SLC25A21: variants seen among roughly 807,000 people sequenced by gnomAD.
The protein encoded by SLC25A21 is solute carrier family 25 member 21.
In SLC25A21, 47 loss-of-function variants were observed where a neutral mutation model predicts 43.8. That is an observed-to-expected ratio of 1.07 (90% CI 0.85 to 1.37). SLC25A21 has a LOEUF of 1.37. Ranked by LOEUF, SLC25A21 falls within the 40% of genes most tolerant of loss-of-function variation. SLC25A21 has a pLI of 0.00. For synonymous variants in SLC25A21, 131 were observed against 121.3 expected, an observed-to-expected ratio of 1.08 and a Z score of -0.52; for missense variants, 352 against 350.2, an observed-to-expected ratio of 1.00 and a Z score of -0.04.
At chr14:37,004,502 T>C (rs185745205) in intron 1 of SLC25A21, among the ~76,000 whole-genome samples, 1 of 152,348 alleles carries the variant, frequency 6.6e-6, no homozygotes, top group East Asian at 1.9e-4. Flanking sequence ...ATGTAATTCA[T>C]GGAGTAACTG....
At chr14:36,885,348 C>T (rs1890884028) in intron 1 of SLC25A21, among the ~76,000 whole-genome samples, 2 of 152,274 alleles carry the variant, frequency 1.3e-5, no homozygotes, top group East Asian at 1.9e-4. Context: ...CAGTACCATG[C>T]TGTTTTGATT....
At chr14:36,702,844 G>C (rs1051715567) in intron 7 of SLC25A21, among the ~76,000 whole-genome samples, 3 of 152,054 alleles carry the variant, frequency 2.0e-5, no homozygotes, top group Non-Finnish European at 2.9e-5. Context: ...CACTTGGGGA[G>C]TGTCTGACTG....
intron 1 of SLC25A21, among the ~76,000 whole-genome samples, chr14:36,906,577 C>T (rs1347820634): frequency 6.6e-6 from 1 of 151,640 alleles, no homozygotes; most frequent in East Asian, 1.9e-4. Flanking sequence ...ATGATCTCGG[C>T]TCACTACAAC....
At chr14:36,894,114 T>C (rs987672539) in intron 1 of SLC25A21, among the ~76,000 whole-genome samples, 1 of 152,220 alleles carries the variant, frequency 6.6e-6, no homozygotes, top group African/African-American at 2.4e-5. Flanking sequence ...GCATTGAATC[T>C]ATAAATTACC....
chr14:36,883,928 T>C (rs962540432), intron 1 of SLC25A21, among the ~76,000 whole-genome samples: 2 of 152,188 alleles, frequency 1.3e-5, no homozygotes, highest in Admixed American at 6.5e-5. Context: ...TGTGGAATGA[T>C]TGAGTCAAGC....
At chr14:37,104,009 C>T (rs1309831627) in intron 1 of SLC25A21, among the ~76,000 whole-genome samples, 2 of 152,162 alleles carry the variant, frequency 1.3e-5, no homozygotes, top group African/African-American at 4.8e-5. Context: ...TCCCACGGCT[C>T]GTGGACCACT....
At chr14:37,053,228 G>A (rs572474992) in intron 1 of SLC25A21, among the ~76,000 whole-genome samples, 2 of 152,238 alleles carry the variant, frequency 1.3e-5, no homozygotes, top group South Asian at 4.1e-4. Context: ...TGAGAACCAA[G>A]GATTTTGTAT....
At chr14:36,821,770 T>A (rs190885563) in intron 2 of SLC25A21, among the ~76,000 whole-genome samples, 146 of 152,230 alleles carry the variant, frequency 9.6e-4, no homozygotes, top group African/African-American at 3.3e-3. Context: ...CGAGCAGAGA[T>A]CGTGCCACTG....
chr14:36,687,492 C>T (rs1425141181), intron 7 of SLC25A21, among the ~76,000 whole-genome samples: 2 of 152,314 alleles, frequency 1.3e-5, no homozygotes, highest in Non-Finnish European at 2.9e-5. Flanking sequence ...ATGTTCCACA[C>T]TGGCAAAGCA....
chr14:37,133,987 C>A (rs1244770284), intron 1 of SLC25A21, among the ~76,000 whole-genome samples: 1 of 152,088 alleles, frequency 6.6e-6, no homozygotes, highest in Non-Finnish European at 1.5e-5. Context: ...CAGTAACTGG[C>A]AACTGGAAAA....
chr14:36,921,072 T>C lies in SLC25A21; in HGVS notation c.71-46068A>G, dbSNP rs138438156. ...GATCTCTTTGCTTTTAACCATCCCA[T>C]AAAACAACTTATGGATTTTTAGGCC... On this transcript the variant is annotated intron_variant, in intron 1 of 9. Transcript: ENST00000331299. 1.2e-3 allele frequency among the ~76,000 whole-genome samples: 180 copies of C among 152,180 alleles called. 2 individuals are homozygous for C. In the East Asian group the frequency reaches 0.034, roughly 29 times the overall value.
chr14:36,946,787 C>T (rs1247592056), intron 1 of SLC25A21, among the ~76,000 whole-genome samples: 1 of 152,128 alleles, frequency 6.6e-6, no homozygotes, highest in Non-Finnish European at 1.5e-5. Flanking sequence ...AGGATGTCAG[C>T]TTGTCATGGC....
rs1594360065 is a variant in SLC25A21, at chr14:37,172,388, G to A, written c.-38C>T. The A allele has an allele frequency of 3.2e-6, 5 of 1,561,162 alleles. No individual in the cohort carries two copies. The highest frequency in any genetic ancestry group is 1.2e-5 in the South Asian group (1 of 85,338). On this transcript the variant is annotated 5_prime_UTR_variant, in exon 1 of 10. Coordinates refer to ENST00000331299, the MANE Select transcript of SLC25A21 (RefSeq NM_030631.4). The stretch of plus-strand genomic sequence containing the variant: ...GGAGGACAAGGGAGTGGGCTGAGAT[G>A]CGTCAACGAGCTCGCAGCCTGCACA...
intron 1 of SLC25A21, among the ~76,000 whole-genome samples, chr14:36,891,406 G>C (rs1891068078): frequency 6.6e-6 from 1 of 152,106 alleles, no homozygotes; most frequent in Non-Finnish European, 1.5e-5. Flanking sequence ...TCAGTGACTG[G>C]ATTTAGCTAC....
intron 1 of SLC25A21, among the ~76,000 whole-genome samples, chr14:36,898,613 C>G (rs1206004060): frequency 4.6e-5 from 7 of 152,190 alleles, no homozygotes; most frequent in Non-Finnish European, 1.5e-5. Context: ...AATCACCTGT[C>G]TTCTGCGTCG....
chr14:36,680,639 A>C lies in SLC25A21; in HGVS notation c.*19T>G, dbSNP rs745901733. 1.2e-6 allele frequency: 2 copies of C among 1,608,734 alleles called. No individual in the cohort carries two copies. Among genetic ancestry groups the C allele is most frequent in the Non-Finnish European group, 1.7e-6 (2 of 1,177,516 alleles). ...GCAAATATCCATTATCTCAAGGGGG[A>C]AAAACACTTCATAGGCAATCACCAG... On this transcript the variant is annotated 3_prime_UTR_variant, in exon 10 of 10. Transcript: ENST00000331299.
chr14:37,017,590 G>C (rs1960890139), intron 1 of SLC25A21, among the ~76,000 whole-genome samples: 1 of 152,028 alleles, frequency 6.6e-6, no homozygotes, highest in South Asian at 2.1e-4. Flanking sequence ...GGTGCCAATA[G>C]ACTTTCCAGA....
chr14:36,758,354 G>A (rs569789681), intron 3 of SLC25A21, among the ~76,000 whole-genome samples: 120 of 152,272 alleles, frequency 7.9e-4, no homozygotes, highest in African/African-American at 2.8e-3. Context: ...CAGGCAGGCA[G>A]GTCTAGTCAA....
intron 2 of SLC25A21, among the ~76,000 whole-genome samples, chr14:36,854,420 T>C (rs1594642583): frequency 6.6e-6 from 1 of 152,328 alleles, no homozygotes; most frequent in East Asian, 1.9e-4. Context: ...AGTAGTGTAA[T>C]AGATGTTAAC....
Sources: gnomAD v4.1 joint callset for allele counts (sites outside exome capture counted in the v4.1 genomes callset) on GRCh38, gnomAD v4.1.1 for gene constraint, MANE v1.5 for transcripts, NCBI Gene and HGNC (gene_info 2026-07-23, HGNC 2026-07-21) for gene names.